SMUG1: variants seen among roughly 807,000 people sequenced by gnomAD.
SMUG1 encodes the protein single-strand-selective monofunctional uracil-DNA glycosylase 1.
SMUG1 carries 13 observed loss-of-function variants against 23.9 expected under a neutral mutation model. That is an observed-to-expected ratio of 0.54 (90% CI 0.35 to 0.86). The LOEUF (loss-of-function observed/expected upper bound fraction) is 0.86. SMUG1 is among the 40% of genes least tolerant of loss of function. SMUG1 has a pLI of 0.01. For synonymous variants in SMUG1, 133 were observed against 139.8 expected (o/e 0.95, Z 0.34); for missense variants, 313 against 339.5 (o/e 0.92, Z 0.61).
chr12:54,171,198 G>A (rs1385260560), intron 3 of SMUG1, among the ~76,000 whole-genome samples: 4 of 148,798 alleles, frequency 2.7e-5, no homozygotes, highest in Non-Finnish European at 6.0e-5. Context: ...ATGGAGTTTC[G>A]CATGTTGGCC....
intron 3 of SMUG1, among the ~76,000 whole-genome samples, chr12:54,171,686 CAA>C (rs55830557): frequency 4.9e-4 from 34 of 69,038 alleles, no homozygotes; most frequent in African/African-American, 1.2e-3. Flanking sequence ...AGTCTTGTCT[CAA>C]AAAAAAAAAA....
At chr12:54,158,556 A>C (rs1051182885) in intron 4 of SMUG1, among the ~76,000 whole-genome samples, 1 of 151,922 alleles carries the variant, frequency 6.6e-6, no homozygotes, top group African/African-American at 2.4e-5. Flanking sequence ...TCTGCCCCCT[A>C]ACACCTCAGT....
intron 2 of SMUG1, among the ~76,000 whole-genome samples, chr12:54,185,538 C>A (rs181410797): frequency 6.7e-6 from 1 of 148,592 alleles, no homozygotes. Context: ...ATTTGCCGGG[C>A]GCAACAGCTC....
At chr12:54,170,625 C>T (rs1940593114) in intron 3 of SMUG1, among the ~76,000 whole-genome samples, 1 of 151,946 alleles carries the variant, frequency 6.6e-6, no homozygotes, top group South Asian at 2.1e-4. Context: ...GTGAGACAGT[C>T]TCACTCTGTC....
In SMUG1 at chr12:54,183,754, C is replaced by T; in HGVS notation, c.187G>A (p.Glu63Lys). Residue 63 changes from glutamate to lysine, a missense_variant, in exon 3 of 4, where the codon GAG (glutamate) becomes AAG (lysine). Transcript: ENST00000682136. ...IIYNPVEYAW[E>K]PHRNYVTRYC... Reference sequence around the variant, plus strand: ...CGAGTCACGTAGTTGCGATGTGGCTCCCATGCATACTCCACGGGATTGTAG... The same window carrying T: ...CGAGTCACGTAGTTGCGATGTGGCTTCCATGCATACTCCACGGGATTGTAG... 6.2e-7 allele frequency: 1 copy of T among 1,614,090 alleles called. No individual in the cohort carries two copies. The highest frequency in any genetic ancestry group is 8.5e-7 in the Non-Finnish European group (1 of 1,179,982).
At position 54,182,091 on chromosome 12, in the gene SMUG1, G is replaced by A. The variant is rs1190514156; in HGVS notation, c.*5C>T. On this transcript the variant is annotated 3_prime_UTR_variant, in exon 4 of 4. Transcript: ENST00000682136. ...AATGTGTCCCATGCAAGGCCCCAAG[G>A]GCACTCATTTCAACAGCAGTGGCAG... is the stretch of plus-strand genomic sequence containing the variant. 2.0e-6 allele frequency: 3 copies of A among 1,532,466 alleles called. No homozygotes were observed. The South Asian group carries it at 3.9e-5, about 20-fold the overall frequency. The allele number at this position is 1,532,466 out of a possible 1,614,324, so 94.9% of individuals were successfully genotyped here.
At chr12:54,178,539 C>T (rs1940808636), downstream of SMUG1, among the ~76,000 whole-genome samples, 1 of 152,158 alleles carries the variant, frequency 6.6e-6, no homozygotes, top group South Asian at 2.1e-4. Context: ...CCATCCCTTT[C>T]CCCACTGCAC....
In SMUG1 at chr12:54,180,626, A is replaced by C. The variant is rs1940927975; in HGVS notation, c.*1470T>G. The C allele has an allele frequency of 6.6e-6, 1 of 151,956 alleles. No homozygotes were observed. The highest frequency in any genetic ancestry group is 1.5e-5 in the Non-Finnish European group (1 of 67,972). The allele number at this position is 151,956 out of a possible 1,614,324, so 9.4% of individuals were successfully genotyped here. The stretch of plus-strand genomic sequence containing the variant: ...ATACCAGGTTCCCATCTGCCCCATC[A>C]CCTGTTTCTCACGGTGTCCAGAGTA... On this transcript the variant is annotated 3_prime_UTR_variant, in exon 4 of 4. Coordinates refer to ENST00000682136, the MANE Select transcript of SMUG1 (RefSeq NM_001243787.2).
downstream of SMUG1, among the ~76,000 whole-genome samples, chr12:54,160,519 G>A (rs1049244070): frequency 2.6e-5 from 4 of 152,192 alleles, no homozygotes; most frequent in Non-Finnish European, 4.4e-5. Context: ...GCTGGCCTGC[G>A]CAGAGCCCCC....
At chr12:54,172,206 AGT>A (rs1940638657) in intron 2 of SMUG1, 2 of 423,354 alleles carry the variant, frequency 4.7e-6, no homozygotes, top group African/African-American at 4.0e-5. Context: ...GTAACTTATT[AGT>A]TTCTACGTGA....
downstream of SMUG1, among the ~76,000 whole-genome samples, chr12:54,176,139 T>G (rs1176703479): frequency 9.3e-5 from 14 of 151,254 alleles, no homozygotes; most frequent in Non-Finnish European, 1.8e-4. Flanking sequence ...GGCAGGAGAA[T>G]CGCTTGAACC....
intron 3 of SMUG1, among the ~76,000 whole-genome samples, chr12:54,169,731 A>T (rs893718154): frequency 1.3e-5 from 2 of 152,244 alleles, no homozygotes; most frequent in Non-Finnish European, 2.9e-5. Context: ...GGCACCTTAG[A>T]GTCCTCCACT....
At chr12:54,171,652 A>C (rs1007864316) in intron 3 of SMUG1, among the ~76,000 whole-genome samples, 1 of 134,850 alleles carries the variant, frequency 7.4e-6, no homozygotes, top group African/African-American at 2.9e-5. Flanking sequence ...ATGCCACTGC[A>C]CTCCAGCCTG....
downstream of SMUG1, among the ~76,000 whole-genome samples, chr12:54,176,515 CAA>C (rs1491114006): frequency 0.42 from 33,936 of 81,570 alleles, 8,591 homozygotes; most frequent in African/African-American, 0.53. Flanking sequence ...TGTCCCCCCC[CAA>C]AAAAAAAGGC....
chr12:54,169,441 T>C (rs1267478274), intron 3 of SMUG1, among the ~76,000 whole-genome samples: 1 of 151,666 alleles, frequency 6.6e-6, no homozygotes, highest in East Asian at 1.9e-4. Context: ...ACTCTCAGGT[T>C]TGGGGCCTGA....
intron 2 of SMUG1, among the ~76,000 whole-genome samples, chr12:54,172,595 C>T (rs12827282): frequency 0.6 from 90,442 of 151,616 alleles, 27,168 homozygotes; most frequent in South Asian, 0.73. Flanking sequence ...ACGTGCCCCA[C>T]TCTAGTTCTT....
chr12:54,179,235 G>GT (rs1940827078), downstream of SMUG1, among the ~76,000 whole-genome samples: 2 of 152,118 alleles, frequency 1.3e-5, no homozygotes, highest in African/African-American at 4.8e-5. Context: ...CCCTGTGATC[G>GT]TGTGAGTCAA....
At chr12:54,171,919 G>T in intron 3 of SMUG1, 2 of 345,722 alleles carry the variant, frequency 5.8e-6, no homozygotes, top group East Asian at 7.6e-5. Context: ...TCTTTCATAC[G>T]CTCTCACTAA....
chr12:54,168,406 G>A (rs1184461769), intron 3 of SMUG1: 4 of 152,106 alleles, frequency 2.6e-5, no homozygotes, highest in Admixed American at 2.0e-4. Context: ...ATGCATTCTT[G>A]GACCTCAACT....
Sources: allele counts gnomAD v4.1 joint callset (sites outside exome capture counted in the v4.1 genomes callset), GRCh38; gene constraint gnomAD v4.1.1; transcripts MANE v1.5; gene names NCBI Gene and HGNC (gene_info 2026-07-23, HGNC 2026-07-21).